NBAS: variants seen among roughly 807,000 people sequenced by gnomAD.
The protein encoded by NBAS is NBAS subunit of NRZ tethering complex.
In NBAS, 219 loss-of-function variants were observed where a neutral mutation model predicts 302.5. That is an observed-to-expected ratio of 0.72 (90% CI 0.65 to 0.81). The LOEUF (loss-of-function observed/expected upper bound fraction) is 0.81. Among genes scored for constraint, NBAS ranks in the 30% least tolerant of loss-of-function variants. NBAS has a pLI of 0.00. For missense variants in NBAS, 2,932 were observed against 2,841.6 expected (o/e 1.03, Z -0.72); for synonymous variants, 1,118 against 1,021.6 (o/e 1.09, Z -1.80).
the NBAS span, among the ~76,000 whole-genome samples, chr2:14,998,343 A>C: frequency 6.6e-6 from 1 of 152,234 alleles, no homozygotes; most frequent in African/African-American, 2.4e-5. Context: ...TCTGCCAGCC[A>C]GCTAAGCCCA....
rs148582445 is a variant in NBAS, at chr2:15,181,372, G to T, written c.6712-2256C>A. 4.6e-5 allele frequency among the ~76,000 whole-genome samples: 7 copies of T among 152,286 alleles called. No homozygotes were observed. In the East Asian group the frequency reaches 1.4e-3, roughly 29 times the overall value. ...AAGAAGGGAGGAACCCACTTTAGGT[G>T]AGCCACTGACTACTTTTCATCTCTT... On this transcript the variant is annotated intron_variant, in intron 50 of 51. Transcript: ENST00000281513.
At chr2:14,892,715 G>A in the NBAS span, among the ~76,000 whole-genome samples, 15 of 150,562 alleles carry the variant, frequency 1.0e-4, no homozygotes, top group African/African-American at 2.9e-4. Context: ...AATAACTAAC[G>A]TATTATGTTT....
At chr2:14,931,618 C>T in the NBAS span, among the ~76,000 whole-genome samples, 4 of 152,210 alleles carry the variant, frequency 2.6e-5, no homozygotes, top group Non-Finnish European at 5.9e-5. Flanking sequence ...CAACTGAACA[C>T]AAAGGACACT....
chr2:15,123,837 C>A, the NBAS span, among the ~76,000 whole-genome samples: 6 of 152,098 alleles, frequency 3.9e-5, no homozygotes, highest in Non-Finnish European at 8.8e-5. Context: ...TTATTTATAG[C>A]AACACAAAAA....
At chr2:15,085,310 G>A in the NBAS span, among the ~76,000 whole-genome samples, 2 of 152,082 alleles carry the variant, frequency 1.3e-5, no homozygotes, top group South Asian at 2.1e-4. Context: ...CAAGGGTGCC[G>A]TGTTCCTGCG....
At chr2:14,787,633 A>C in the NBAS span, among the ~76,000 whole-genome samples, 4 of 152,144 alleles carry the variant, frequency 2.6e-5, no homozygotes, top group Non-Finnish European at 5.9e-5. Context: ...TTTCTTTATG[A>C]ATGTTGGATA....
chr2:15,551,602 G>A, intron 5 of NBAS, 66 bp from the exon 6 acceptor site: 1 of 1,226,976 alleles, frequency 8.2e-7, no homozygotes, highest in Non-Finnish European at 1.2e-6. Flanking sequence ...TAAAATACCA[G>A]ATACTGTGGA....
the NBAS span, among the ~76,000 whole-genome samples, chr2:14,779,771 G>C: frequency 4.6e-5 from 7 of 152,302 alleles, no homozygotes; most frequent in South Asian, 1.4e-3. Flanking sequence ...TGTGACCTGA[G>C]GAAAGCAGAT....
chr2:15,366,461 C>A, intron 32 of NBAS, 119 bp downstream of exon 32: 1 of 952,766 alleles, frequency 1.0e-6, no homozygotes, highest in East Asian at 2.6e-5. Context: ...GAGCGAGACC[C>A]TGTCTAATAA....
At chr2:15,075,847 C>G in the NBAS span, among the ~76,000 whole-genome samples, 2 of 152,030 alleles carry the variant, frequency 1.3e-5, no homozygotes, top group African/African-American at 4.8e-5. Flanking sequence ...GTCCTTGCCT[C>G]TAGGAATGAA....
the NBAS span, among the ~76,000 whole-genome samples, chr2:15,016,659 T>C: frequency 6.6e-6 from 1 of 151,972 alleles, no homozygotes; most frequent in Non-Finnish European, 1.5e-5. Context: ...AGACCCTAAA[T>C]AGCCAAAACA....
intron 41 of NBAS, among the ~76,000 whole-genome samples, chr2:15,292,189 G>A (rs919959918): frequency 1.3e-5 from 2 of 152,142 alleles, no homozygotes. Flanking sequence ...TGGCCAGGCT[G>A]GTCTCAAACT....
intron 47 of NBAS, among the ~76,000 whole-genome samples, chr2:15,225,321 G>A (rs538090561): frequency 6.6e-6 from 1 of 152,176 alleles, no homozygotes; most frequent in Non-Finnish European, 1.5e-5. Context: ...CAGAAATATT[G>A]CGGTAACAGA....
At chr2:15,522,590 A>T (rs1263037487) in intron 9 of NBAS, among the ~76,000 whole-genome samples, 1 of 152,210 alleles carries the variant, frequency 6.6e-6, no homozygotes, top group Non-Finnish European at 1.5e-5. Context: ...AAAAACCATT[A>T]GGTCTGGATA....
chr2:15,529,831 T>C (rs1663135697), intron 9 of NBAS, among the ~76,000 whole-genome samples: 1 of 152,224 alleles, frequency 6.6e-6, no homozygotes, highest in Non-Finnish European at 1.5e-5. Context: ...GGCCAGTCTT[T>C]ATATAAGAAT....
intron 6 of NBAS, among the ~76,000 whole-genome samples, chr2:15,540,025 TAGAG>T (rs958120314): frequency 5.9e-5 from 9 of 152,088 alleles, no homozygotes; most frequent in African/African-American, 2.2e-4. Context: ...TTCAGTAAAA[TAGAG>T]AGAAAGGCTA....
chr2:14,806,901 C>G, the NBAS span, among the ~76,000 whole-genome samples: 10 of 152,154 alleles, frequency 6.6e-5, no homozygotes, highest in Non-Finnish European at 1.0e-4. Context: ...GTTTCATTTT[C>G]TGTTAGTTGT....
chr2:15,183,267 G>C (rs748657944), intron 50 of NBAS, among the ~76,000 whole-genome samples: 1 of 152,146 alleles, frequency 6.6e-6, no homozygotes, highest in African/African-American at 2.4e-5. Context: ...TTTGCAAATA[G>C]CCTCTAATCA....
At chr2:14,909,307 G>A in the NBAS span, among the ~76,000 whole-genome samples, 90 of 113,684 alleles carry the variant, frequency 7.9e-4, no homozygotes, top group African/African-American at 3.2e-3. Flanking sequence ...GTGACAGAGC[G>A]AGACTCCGTC....
Sources: gnomAD v4.1 joint callset for allele counts (sites outside exome capture counted in the v4.1 genomes callset) on GRCh38, gnomAD v4.1.1 for gene constraint, MANE v1.5 for transcripts, NCBI Gene and HGNC (gene_info 2026-07-23, HGNC 2026-07-21) for gene names.